The following SMOC1 variants were observed in gnomAD, a reference collection of about 807,000 sequenced individuals.
SMOC1 encodes SPARC-related modular calcium-binding protein 1.
Under a neutral mutation model 56.3 loss-of-function variants are expected in SMOC1, and 22 were observed. That is an observed-to-expected ratio of 0.39 (90% CI 0.28 to 0.56). The LOEUF (loss-of-function observed/expected upper bound fraction) is 0.56, where lower values mean the gene tolerates loss of function less well. Among genes scored for constraint, SMOC1 ranks in the 20% least tolerant of loss-of-function variants. The pLI, the probability that SMOC1 is intolerant of heterozygous loss-of-function variation, is 0.61. For synonymous variants in SMOC1, 193 were observed against 215.0 expected (o/e 0.90, Z 0.89); for missense variants, 509 against 565.4 (o/e 0.90, Z 1.01).
intron 1 of SMOC1, among the ~76,000 whole-genome samples, chr14:69,948,300 T>A (rs947270847): frequency 6.6e-6 from 1 of 152,220 alleles, no homozygotes; most frequent in Non-Finnish European, 1.5e-5. Flanking sequence ...CCATAATTGA[T>A]TGAAGATTGT....
intron 1 of SMOC1, among the ~76,000 whole-genome samples, chr14:69,904,005 G>C (rs1249576978): frequency 6.6e-6 from 1 of 152,122 alleles, no homozygotes; most frequent in Non-Finnish European, 1.5e-5. Flanking sequence ...CAGTGAGGTC[G>C]TCTCGGACCT....
chr14:69,986,558 G>C (rs1163247242), intron 5 of SMOC1, among the ~76,000 whole-genome samples: 1 of 151,974 alleles, frequency 6.6e-6, no homozygotes, highest in Non-Finnish European at 1.5e-5. Context: ...CTGGGTGAGG[G>C]GTACACAGGA....
chr14:69,897,146 T>C (rs949114462), intron 1 of SMOC1, among the ~76,000 whole-genome samples: 1 of 152,062 alleles, frequency 6.6e-6, no homozygotes, highest in African/African-American at 2.4e-5. Context: ...TGGCCCCCCC[T>C]CCTCTCAACC....
intron 11 of SMOC1, among the ~76,000 whole-genome samples, chr14:70,028,421 A>C (rs1886012082): frequency 6.6e-6 from 1 of 152,150 alleles, no homozygotes; most frequent in African/African-American, 2.4e-5. Context: ...GCCGCATGGA[A>C]GCTGTGCCAT....
rs1883783457 is a variant in SMOC1, at chr14:69,885,703, C to T, written c.99+5926C>T. 4 of 1,452,934 alleles carry T rather than the reference C, an allele frequency of 2.8e-6. No homozygotes were observed. In the Admixed American group the frequency reaches 6.7e-5, roughly 24 times the overall value. 90.0% of individuals were successfully genotyped at this position (1,452,934 alleles called of 1,614,324 possible). A position where few individuals can be genotyped will look rare whatever the true frequency, so the allele number is the denominator to read the frequency against. ...CCAGCTGAGCTTTCTTGTTCTCCAC[C>T]AAGGTGGTGACAGTGTTAACTCCTG... On this transcript the variant is annotated intron_variant, in intron 1 of 11. Coordinates refer to ENST00000361956, the MANE Select transcript of SMOC1 (RefSeq NM_001034852.3).
intron 1 of SMOC1, among the ~76,000 whole-genome samples, chr14:69,950,182 G>A (rs1461538607): frequency 6.6e-6 from 1 of 152,220 alleles, no homozygotes; most frequent in African/African-American, 2.4e-5. Flanking sequence ...GACAAGGCCT[G>A]TGCAGTGGTT....
intron 1 of SMOC1, among the ~76,000 whole-genome samples, chr14:69,913,861 C>G (rs1884618167): frequency 6.6e-6 from 1 of 152,208 alleles, no homozygotes; most frequent in Admixed American, 6.5e-5. Flanking sequence ...GTTTCCTTAT[C>G]TCCTTGGCTC....
intron 7 of SMOC1, among the ~76,000 whole-genome samples, chr14:70,004,886 G>T (rs114841868): frequency 0.03 from 4,640 of 152,246 alleles, 125 homozygotes; most frequent in Middle Eastern, 0.14. Context: ...TCTACTGTCT[G>T]CTCTCTCCAC....
intron 3 of SMOC1, among the ~76,000 whole-genome samples, chr14:69,959,439 G>C (rs1173835055): frequency 6.6e-5 from 10 of 152,092 alleles, no homozygotes; most frequent in Admixed American, 2.0e-4. Flanking sequence ...TTTTTATGTA[G>C]ACAGATTATA....
chr14:70,009,091 A>G (rs942947104), intron 7 of SMOC1, among the ~76,000 whole-genome samples: 1 of 152,230 alleles, frequency 6.6e-6, no homozygotes, highest in Admixed American at 6.5e-5. Context: ...CCTCTAGCCA[A>G]GGAGACTCTG....
chr14:69,911,092 G>T (rs1224655554), intron 1 of SMOC1, among the ~76,000 whole-genome samples: 1 of 152,174 alleles, frequency 6.6e-6, no homozygotes, highest in Non-Finnish European at 1.5e-5. Flanking sequence ...TTTATGCAGT[G>T]GCCTGTATGG....
intron 7 of SMOC1, among the ~76,000 whole-genome samples, chr14:70,006,555 T>C (rs1885154148): frequency 6.6e-6 from 1 of 152,212 alleles, no homozygotes; most frequent in African/African-American, 2.4e-5. Flanking sequence ...GGTAAATTGA[T>C]GAATAGTTAA....
At chr14:69,957,951 A>G (rs936116315) in intron 3 of SMOC1, among the ~76,000 whole-genome samples, 4 of 152,262 alleles carry the variant, frequency 2.6e-5, no homozygotes, top group African/African-American at 9.6e-5. Context: ...AGATTAAGAC[A>G]TATGATAAAG....
intron 1 of SMOC1, among the ~76,000 whole-genome samples, chr14:69,910,245 C>A (rs115812906): frequency 0.014 from 2,080 of 152,258 alleles, 54 homozygotes; most frequent in African/African-American, 0.048. Flanking sequence ...TTGAGCAAAC[C>A]GAGGTGCAGA....
intron 4 of SMOC1, 106 bp from the exon 5 acceptor site, chr14:69,977,812 T>C: frequency 1.2e-6 from 1 of 855,454 alleles, no homozygotes; most frequent in Non-Finnish European, 2.0e-6. Context: ...ACAATACATA[T>C]ATACATGACC....
intron 10 of SMOC1, among the ~76,000 whole-genome samples, chr14:70,013,798 A>G (rs768775325): frequency 6.6e-6 from 1 of 152,164 alleles, no homozygotes; most frequent in Non-Finnish European, 1.5e-5. Flanking sequence ...TTGGAGTGAG[A>G]GTTCTGAATG....
chr14:69,882,280 T>TC (rs1883663413), intron 1 of SMOC1, among the ~76,000 whole-genome samples: 2 of 152,206 alleles, frequency 1.3e-5, no homozygotes, highest in Non-Finnish European at 2.9e-5. Flanking sequence ...CTTCTGTTAA[T>TC]CTTTTGAGTG....
intron 7 of SMOC1, among the ~76,000 whole-genome samples, chr14:69,998,784 TG>T (rs1235159625): frequency 1.3e-5 from 2 of 152,240 alleles, no homozygotes; most frequent in African/African-American, 4.8e-5. Flanking sequence ...CTTGACTCTG[TG>T]GCCTCAAGTG....
intron 1 of SMOC1, among the ~76,000 whole-genome samples, chr14:69,933,056 G>C (rs1056741309): frequency 2.6e-5 from 4 of 151,990 alleles, no homozygotes; most frequent in African/African-American, 9.7e-5. Flanking sequence ...ATACATTATG[G>C]GGTGCAGAGC....
Sources: allele counts gnomAD v4.1 joint callset (sites outside exome capture counted in the v4.1 genomes callset), GRCh38; gene constraint gnomAD v4.1.1; transcripts MANE v1.5; gene names NCBI Gene and HGNC (gene_info 2026-07-23, HGNC 2026-07-21).